The following AIFM2 variants were observed in gnomAD, a reference collection of about 807,000 sequenced individuals.
AIFM2 encodes ferroptosis suppressor protein 1.
In AIFM2, 38 loss-of-function variants were observed where a neutral mutation model predicts 35.7. The ratio of observed to expected loss-of-function variants is 1.06; its 90% CI spans 0.82 to 1.39. The LOEUF is 1.39. Among genes scored for constraint, AIFM2 ranks in the 40% most tolerant of loss-of-function variants. AIFM2 has a pLI of 0.00. For missense variants in AIFM2, 476 were observed against 491.2 expected (o/e 0.97, Z 0.29); for synonymous variants, 185 against 203.5 (o/e 0.91, Z 0.77).
rs773201445 is a variant in AIFM2 at position 70,115,082 on chromosome 10, C to T, written c.808G>A (p.Glu270Lys). 17 of 1,613,816 alleles carry T rather than the reference C, an allele frequency of 1.1e-5. No homozygotes were observed. Among genetic ancestry groups the T allele is most frequent in the Admixed American group, 1.7e-5 (1 of 59,982 alleles). ...LASSGALRVN[E>K]HLQVEGHSNV... is the part of the protein sequence containing the mutation. Reference sequence around the variant, plus strand: ...CTGTGGCCCTCCACCTGGAGGTGCTCGTTCACTCTCAGAGCACCACTGCTG... The same window carrying T: ...CTGTGGCCCTCCACCTGGAGGTGCTTGTTCACTCTCAGAGCACCACTGCTG... Residue 270 changes from glutamate (E) to lysine (K), a missense_variant, in exon 8 of 9, where the codon GAG (glutamate) becomes AAG (lysine). Physicochemically the swap from Glu to Lys is moderately conservative, Grantham distance 56. Transcript: ENST00000307864.
intron 3 of AIFM2, among the ~76,000 whole-genome samples, chr10:70,122,876 G>T (rs1005020796): frequency 6.6e-6 from 1 of 152,154 alleles, no homozygotes; most frequent in Non-Finnish European, 1.5e-5. Flanking sequence ...TTACGTAAAG[G>T]CTACAAACAG....
chr10:70,125,566 C>T (rs765232741), intron 1 of AIFM2, among the ~76,000 whole-genome samples: 7 of 151,184 alleles, frequency 4.6e-5, no homozygotes, highest in South Asian at 2.1e-4. Flanking sequence ...TGCAGTGAGC[C>T]GTAACTATGC....
intron 8 of AIFM2, among the ~76,000 whole-genome samples, 163 bp from the exon 9 acceptor site, chr10:70,114,492 G>C (rs1387094569): frequency 6.6e-6 from 1 of 151,708 alleles, no homozygotes; most frequent in Admixed American, 6.6e-5. Context: ...TTGTTTTTTT[G>C]AGACAGAGTT....
rs137970860 is a variant in AIFM2, at chr10:70,117,866, C to T, written c.562G>A (p.Val188Ile). The change falls in exon 6 of 9, where the codon GTC (valine) becomes ATC (isoleucine). Residue 188 changes from valine to isoleucine, a missense_variant. Transcript: ENST00000307864. The surrounding 1 kb of genome is among the most constrained non-coding windows in gnomAD (Gnocchi z 4.7). ...ALADKELLPS[V>I]RQEVKEILLR... The stretch of plus-strand genomic sequence containing the variant: ...AGGATCTCCTTCACTTCCTGCCGGA[C>T]GGAGGGCAGGAGCTCCTTGTCAGCC... The T allele has an allele frequency of 2.7e-5, 43 of 1,605,044 alleles. No individual in the cohort carries two copies. Among genetic ancestry groups the T allele is most frequent in the East Asian group, 6.8e-5 (3 of 43,892 alleles).
At chr10:70,129,045 C>T (rs1332614499) in intron 1 of AIFM2, among the ~76,000 whole-genome samples, 1 of 151,594 alleles carries the variant, frequency 6.6e-6, no homozygotes, top group Non-Finnish European at 1.5e-5. Flanking sequence ...TTCTTAGGGA[C>T]AGGGTCTTGC....
Position 70,124,073 on chromosome 10 carries a change from C to A in AIFM2, c.12G>T (p.Gln4His). The change falls in exon 2 of 9, where the codon CAG becomes CAT. Residue 4 changes from glutamine (Q) to histidine (H), a missense_variant. Coordinates refer to ENST00000307864, the MANE Select transcript of AIFM2 (RefSeq NM_032797.6). Reference protein sequence around the residue: MGSQVSVESGALHV... With the variant: MGSHVSVESGALHV... ...GCAGAGCTCCCGATTCCACCGAGAC[C>A]TGGGACCCCATCTCAAATCAGGCAC... 6.5e-7 allele frequency: 1 copy of A among 1,539,304 alleles called. No individual in the cohort carries two copies. The highest frequency in any genetic ancestry group is 8.8e-7 in the Non-Finnish European group (1 of 1,138,558).
At chr10:70,121,056 G>GCCCACACTGC in intron 4 of AIFM2, 36 bp downstream of exon 4, 4 of 1,598,238 alleles carry the variant, frequency 2.5e-6, no homozygotes, top group Middle Eastern at 1.7e-4. Flanking sequence ...CCTTCCATCT[G>GCCCACACTGC]CCCACACTGC....
intron 3 of AIFM2, among the ~76,000 whole-genome samples, 193 bp downstream of exon 3, chr10:70,123,212 T>C (rs2072528638): frequency 6.6e-6 from 1 of 152,034 alleles, no homozygotes. Context: ...AGAGACAGGG[T>C]TTTGCCATGT....
chr10:70,119,084 G>A (rs1408568714), intron 5 of AIFM2, among the ~76,000 whole-genome samples: 2 of 152,176 alleles, frequency 1.3e-5, no homozygotes, highest in East Asian at 1.9e-4. Context: ...GAGCTTCCAG[G>A]TTGGTGAACA....
rs145036904 is a variant in AIFM2, at chr10:70,127,436, C to T, written c.-13-3339G>A. ...TCCTAGCAGAGGAAACAACTTGGGC[C>T]AGAGGCCCAGTGGCAGGAAGGGAGG... On this transcript the variant is annotated intron_variant, in intron 1 of 8. Coordinates refer to ENST00000307864, the MANE Select transcript of AIFM2 (RefSeq NM_032797.6). Among the ~76,000 whole-genome samples, 8 of 152,300 alleles carry T rather than the reference C, an allele frequency of 5.3e-5. No homozygotes were observed. In the East Asian group the frequency reaches 1.2e-3, roughly 22 times the overall value.
At chr10:70,121,365 T>C (rs1487275274) in intron 3 of AIFM2, among the ~76,000 whole-genome samples, 154 bp from the exon 4 acceptor site, 1 of 150,228 alleles carries the variant, frequency 6.7e-6, no homozygotes, top group Admixed American at 6.6e-5. Flanking sequence ...GCAGCCCCCA[T>C]GGGAGGGGGT....
intron 5 of AIFM2, among the ~76,000 whole-genome samples, chr10:70,119,421 T>C (rs2072473445): frequency 6.6e-6 from 1 of 152,154 alleles, no homozygotes; most frequent in Non-Finnish European, 1.5e-5. Context: ...ACTGAGCCCT[T>C]GACCTGTGGG....
At chr10:70,116,908 C>T (rs1003121265) in intron 6 of AIFM2, 134 bp from the exon 7 acceptor site, 4 of 1,011,748 alleles carry the variant, frequency 4.0e-6, no homozygotes, top group Non-Finnish European at 4.4e-6. Flanking sequence ...CCCTGTCTTC[C>T]CACCATGCCC....
rs1263881741 is a variant in AIFM2 at position 70,114,459 on chromosome 10, G to A, written c.971-130C>T. ...ATGTGAAATCGCTTTAGGAAGGTGG[G>A]TGAGACCCTGATTTTTTTTTGTTTG... On this transcript the variant is annotated intron_variant, in intron 8 of 8. Transcript: ENST00000307864. 7 of 1,163,972 alleles carry A rather than the reference G, an allele frequency of 6.0e-6. No homozygotes were observed. In the East Asian group the frequency reaches 1.0e-4, roughly 17 times the overall value. The allele number at this position is 1,163,972 out of a possible 1,614,324, so 72.1% of individuals were successfully genotyped here.
In AIFM2 at chr10:70,114,199, G is replaced by T; in HGVS notation, c.1101C>A (p.Thr367=). The part of the protein sequence containing the change: ...RDLFVSTSWK[T]MRQSPP ...TCCATCAAGGTGGAGACTGCCTCATGGTTTTCCAGCTCGTAGAGACGAACA... is the reference window on the plus strand; with the variant it reads ...TCCATCAAGGTGGAGACTGCCTCATTGTTTTCCAGCTCGTAGAGACGAACA... The change falls in exon 9 of 9, where the codon ACC becomes ACA. Residue 367 remains threonine, a synonymous_variant. Coordinates refer to ENST00000307864, the MANE Select transcript of AIFM2 (RefSeq NM_032797.6). 6.2e-7 allele frequency: 1 copy of T among 1,613,468 alleles called. No individual in the cohort carries two copies. The highest frequency in any genetic ancestry group is 1.1e-5 in the South Asian group (1 of 91,060).
chr10:70,132,237 AC>A (rs1426683613), intron 1 of AIFM2, among the ~76,000 whole-genome samples: 3 of 151,706 alleles, frequency 2.0e-5, no homozygotes, highest in Non-Finnish European at 4.4e-5. Flanking sequence ...CTAGTGCTGC[AC>A]CCCCCAGCTC....
intron 1 of AIFM2, among the ~76,000 whole-genome samples, chr10:70,129,418 C>T (rs2072603875): frequency 6.6e-6 from 1 of 151,958 alleles, no homozygotes; most frequent in Admixed American, 6.6e-5. Context: ...AAAAGTCAGG[C>T]CACAGAACCA....
In AIFM2 at chr10:70,124,059, G is replaced by T; in HGVS notation, c.26C>A (p.Ser9Ter). 1 of 1,581,080 alleles carries T rather than the reference G, an allele frequency of 6.3e-7. No individual in the cohort carries two copies. The highest frequency in any genetic ancestry group is 8.6e-7 in the Non-Finnish European group (1 of 1,162,222). Reference protein sequence around the residue: MGSQVSVESGALHVVIVGG... With the variant: MGSQVSVE The stretch of plus-strand genomic sequence containing the variant: ...CACAATCACCACGTGCAGAGCTCCC[G>T]ATTCCACCGAGACCTGGGACCCCAT... Residue 9 changes from serine (S) to a stop codon, truncating the protein, a stop_gained, in exon 2 of 9, where the codon TCG becomes TAG. Transcript: ENST00000307864. LOFTEE classifies it high-confidence loss of function.
At position 70,123,490 on chromosome 10, in the gene AIFM2, G is replaced by T. The variant is rs1038874035; in HGVS notation, c.209C>A (p.Ser70Ter). ...CCGGAAGTTGTCCTTGAAAGTCACC[G>T]AGTAAGAAATGAATGTCTTTTTGGC... ...GFAKKTFISY[S>*]VTFKDNFRQG... The change falls in exon 3 of 9, where the codon TCG becomes TAG. Residue 70 changes from serine (S) to a stop codon, truncating the protein, a stop_gained. Coordinates refer to ENST00000307864, the MANE Select transcript of AIFM2 (RefSeq NM_032797.6). LOFTEE classifies it high-confidence loss of function. 1.2e-6 allele frequency: 2 copies of T among 1,614,158 alleles called. No homozygotes were observed. Among genetic ancestry groups the T allele is most frequent in the Non-Finnish European group, 1.7e-6 (2 of 1,180,012 alleles).
Sources: gnomAD v4.1 joint callset for allele counts (sites outside exome capture counted in the v4.1 genomes callset) on GRCh38, gnomAD v4.1.1 for gene constraint, Gnocchi (gnomAD v3.1) non-coding constraint, MANE v1.5 for transcripts, NCBI Gene and HGNC (gene_info 2026-07-23, HGNC 2026-07-21) for gene names.